OSBPL8: variants seen among roughly 807,000 people sequenced by gnomAD.
OSBPL8 encodes oxysterol binding protein like 8.
Under a neutral mutation model 125.5 loss-of-function variants are expected in OSBPL8, and 59 were observed. That is an observed-to-expected ratio of 0.47 (90% confidence interval 0.38 to 0.58). The LOEUF is 0.58. Among genes scored for constraint, OSBPL8 ranks in the 20% least tolerant of loss-of-function variants. The pLI, the probability that OSBPL8 is intolerant of heterozygous loss-of-function variation, is 0.00. For synonymous variants in OSBPL8, 330 were observed against 338.9 expected (o/e 0.97, Z 0.29); for missense variants, 758 against 1,047.8 (o/e 0.72, Z 3.82).
Position 76,403,819 on chromosome 12 carries a change from C to T in OSBPL8, c.289-1053G>A, listed in dbSNP as rs559427280. On this transcript the variant is annotated intron_variant, in intron 5 of 23. Transcript: ENST00000261183. ...GATACACACCTTTGTATACAACTCCCTCAATTTTTAGATTAATAAGAACAG... is the reference window on the plus strand; with the variant it reads ...GATACACACCTTTGTATACAACTCCTTCAATTTTTAGATTAATAAGAACAG... 2.0e-5 allele frequency among the ~76,000 whole-genome samples: 3 copies of T among 152,194 alleles called. No individual in the cohort carries two copies. In the South Asian group the frequency reaches 6.2e-4, roughly 32 times the overall value.
At chr12:76,509,559 A>G (rs1379535218) in intron 1 of OSBPL8, among the ~76,000 whole-genome samples, 2 of 152,228 alleles carry the variant, frequency 1.3e-5, no homozygotes, top group Non-Finnish European at 2.9e-5. Flanking sequence ...TCAAAATGGT[A>G]TAGTACATAT....
At chr12:76,481,904 G>C (rs1423672902) in intron 2 of OSBPL8, among the ~76,000 whole-genome samples, 2 of 152,106 alleles carry the variant, frequency 1.3e-5, no homozygotes, top group African/African-American at 4.8e-5. Flanking sequence ...TACGATTTAA[G>C]GCTTTGAATA....
At chr12:76,509,730 G>C (rs1052790353) in intron 1 of OSBPL8, among the ~76,000 whole-genome samples, 2 of 152,200 alleles carry the variant, frequency 1.3e-5, no homozygotes, top group African/African-American at 2.4e-5. Flanking sequence ...GGACAAGAAG[G>C]AAGTGGATTA....
chr12:76,478,967 C>T (rs1022036135), intron 2 of OSBPL8, among the ~76,000 whole-genome samples: 4 of 152,110 alleles, frequency 2.6e-5, no homozygotes, highest in Admixed American at 6.6e-5. Context: ...CGCCTGTAGT[C>T]CCAGCTGCTC....
In OSBPL8 at chr12:76,375,931, G is replaced by T. The variant is rs558155592; in HGVS notation, c.1730-561C>A. 3.3e-5 allele frequency among the ~76,000 whole-genome samples: 5 copies of T among 152,172 alleles called. No individual in the cohort carries two copies. In the South Asian group the frequency reaches 1.0e-3, roughly 32 times the overall value. On this transcript the variant is annotated intron_variant, in intron 16 of 23. Coordinates refer to ENST00000261183, the MANE Select transcript of OSBPL8 (RefSeq NM_020841.5). Reference sequence around the variant, plus strand: ...AAATGTGTGTTAAAAGCTACGTTTAGGCTTTAGTTCTGTTGGCTGTTAGTT... The same window carrying T: ...AAATGTGTGTTAAAAGCTACGTTTATGCTTTAGTTCTGTTGGCTGTTAGTT...
intron 1 of OSBPL8, among the ~76,000 whole-genome samples, chr12:76,554,009 T>C (rs937793186): frequency 7.4e-6 from 1 of 135,960 alleles, no homozygotes; most frequent in Non-Finnish European, 1.6e-5. Context: ...TAAAAAAAAA[T>C]GCATACCAAT....
chr12:76,398,918 C>T (rs1019061980), intron 7 of OSBPL8, among the ~76,000 whole-genome samples: 8 of 152,242 alleles, frequency 5.3e-5, no homozygotes, highest in East Asian at 3.9e-4. Context: ...TGCAACAGAA[C>T]ATGGAGGACA....
chr12:76,399,878 A>C lies in OSBPL8; in HGVS notation c.463T>G (p.Leu155Val). The C allele has an allele frequency of 6.3e-7, 1 of 1,595,130 alleles. No individual in the cohort carries two copies. ...DPSVIVMADW[L>V]KIRGTLKSWT... is the part of the protein sequence containing the mutation. ...ATGATTCAAAACACACTGACCTTTAACCAATCAGCCATAACAATAACAGAA... is the reference window on the plus strand; with the variant it reads ...ATGATTCAAAACACACTGACCTTTACCCAATCAGCCATAACAATAACAGAA... Residue 155 changes from leucine to valine, a missense_variant, in exon 7 of 24, where the codon TTA becomes GTA. By Grantham distance (32) the Leu-to-Val change is conservative. This residue lies in a region of OSBPL8 where 69 missense variants were observed against 148.7 expected (regional missense o/e 0.46). Transcript: ENST00000261183.
chr12:76,470,004 T>C (rs1232662505), intron 2 of OSBPL8, among the ~76,000 whole-genome samples: 1 of 152,222 alleles, frequency 6.6e-6, no homozygotes, highest in African/African-American at 2.4e-5. Context: ...CCTCATTCTT[T>C]TCCTTAAATA....
chr12:76,475,293 C>A (rs1215403203), intron 2 of OSBPL8, among the ~76,000 whole-genome samples: 2 of 152,058 alleles, frequency 1.3e-5, no homozygotes, highest in Non-Finnish European at 2.9e-5. Flanking sequence ...TTTTAAAAAA[C>A]CTTCATATGT....
intron 10 of OSBPL8, 97 bp from the exon 11 acceptor site, chr12:76,390,754 A>G: frequency 1.3e-6 from 1 of 763,674 alleles, no homozygotes; most frequent in African/African-American, 1.8e-5. Context: ...AGAATTTACT[A>G]TGTGCCAGAC....
intron 1 of OSBPL8, among the ~76,000 whole-genome samples, chr12:76,546,090 G>C (rs539174416): frequency 6.6e-6 from 1 of 152,232 alleles, no homozygotes; most frequent in African/African-American, 2.4e-5. Context: ...GGCCAGCTAC[G>C]GGACTTCTAT....
At chr12:76,430,415 G>A (rs1054188534) in intron 4 of OSBPL8, among the ~76,000 whole-genome samples, 2 of 152,158 alleles carry the variant, frequency 1.3e-5, no homozygotes, top group African/African-American at 4.8e-5. Context: ...TTTATCTGTT[G>A]AATTCAGTCT....
Position 76,469,411 on chromosome 12 carries a change from G to A in OSBPL8, c.43-9516C>T, listed in dbSNP as rs952792270. Among the ~76,000 whole-genome samples, 2 of 152,090 alleles carry A rather than the reference G, an allele frequency of 1.3e-5. 1 individual carries two copies. Among genetic ancestry groups the A allele is most frequent in the African/African-American group, 4.8e-5 (2 of 41,410 alleles). ...TGTCACTGCATCTTTCTATTATCAGGTCGGATTGCAGGGGAGAGCCCACAG... is the reference window on the plus strand; with the variant it reads ...TGTCACTGCATCTTTCTATTATCAGATCGGATTGCAGGGGAGAGCCCACAG... On this transcript the variant is annotated intron_variant, in intron 2 of 23. Coordinates refer to ENST00000261183, the MANE Select transcript of OSBPL8 (RefSeq NM_020841.5).
At chr12:76,472,712 A>G (rs1049907433) in intron 2 of OSBPL8, among the ~76,000 whole-genome samples, 4 of 152,334 alleles carry the variant, frequency 2.6e-5, no homozygotes, top group Non-Finnish European at 4.4e-5. Flanking sequence ...TTATTTCTGT[A>G]TATCAGAGAC....
intron 1 of OSBPL8, among the ~76,000 whole-genome samples, chr12:76,524,175 C>A (rs982008790): frequency 6.6e-6 from 1 of 151,946 alleles, no homozygotes; most frequent in Non-Finnish European, 1.5e-5. Flanking sequence ...AAAATTGGAG[C>A]TAAATAAGAT....
Position 76,386,574 on chromosome 12 carries a change from A to G in OSBPL8, c.1434+5T>C. The G allele has an allele frequency of 6.3e-7, 1 of 1,581,548 alleles. No homozygotes were observed. The highest frequency in any genetic ancestry group is 8.6e-7 in the Non-Finnish European group (1 of 1,159,442). On this transcript the variant is annotated splice_donor_5th_base_variant and intron_variant, in intron 13 of 23. Transcript: ENST00000261183. ...AGACAATAAAATGTAAACAAACATT[A>G]TTACCTTTGGCTTTTTATAGAATCC...
rs1192477365 is a variant in OSBPL8 at position 76,451,003 on chromosome 12, G to A, written c.80-15C>T. Reference sequence around the variant, plus strand: ...TGCTACAACAGCTCAAGGAAAGAAGGGAAAAATAATTAGTACTGAAGTCAC... The same window carrying A: ...TGCTACAACAGCTCAAGGAAAGAAGAGAAAAATAATTAGTACTGAAGTCAC... On this transcript the variant is annotated splice_polypyrimidine_tract_variant and intron_variant, in intron 3 of 23. Coordinates refer to ENST00000261183, the MANE Select transcript of OSBPL8 (RefSeq NM_020841.5). 1.9e-6 allele frequency: 3 copies of A among 1,607,126 alleles called. No individual in the cohort carries two copies. The highest frequency in any genetic ancestry group is 2.5e-6 in the Non-Finnish European group (3 of 1,177,276).
intron 1 of OSBPL8, among the ~76,000 whole-genome samples, chr12:76,506,812 A>G (rs1880464909): frequency 6.6e-6 from 1 of 152,182 alleles, no homozygotes; most frequent in Non-Finnish European, 1.5e-5. Flanking sequence ...TTAGAGGTCA[A>G]AGTCAAAAAC....
Sources: allele counts gnomAD v4.1 joint callset (sites outside exome capture counted in the v4.1 genomes callset), GRCh38; gene constraint gnomAD v4.1.1; regional missense constraint gnomAD v4.1.1; transcripts MANE v1.5; gene names NCBI Gene and HGNC (gene_info 2026-07-23, HGNC 2026-07-21).